RGS6: variants seen among roughly 807,000 people sequenced by gnomAD.
RGS6 encodes regulator of G protein signaling 6.
A neutral mutation model predicts 78.5 loss-of-function variants in RGS6; 30 were observed. The observed-to-expected ratio is 0.38, with a 90% confidence interval of 0.29 to 0.52. The LOEUF (loss-of-function observed/expected upper bound fraction) is 0.52. Ranked by LOEUF, RGS6 falls within the 20% of genes least tolerant of loss-of-function variation. RGS6 has a pLI of 0.85. For synonymous variants in RGS6, 206 were observed against 206.0 expected, an observed-to-expected ratio of 1.00 and a Z score of 0.00; for missense variants, 495 against 609.7, an observed-to-expected ratio of 0.81 and a Z score of 1.98.
intron 1 of RGS6, among the ~76,000 whole-genome samples, chr14:71,955,081 T>G (rs1299722784): frequency 6.6e-6 from 1 of 152,152 alleles, no homozygotes; most frequent in African/African-American, 2.4e-5. Flanking sequence ...GGGTTGTGTT[T>G]AGTGTTTGCT....
chr14:72,475,698 C>T (rs956402716), intron 10 of RGS6, among the ~76,000 whole-genome samples: 7 of 151,994 alleles, frequency 4.6e-5, no homozygotes, highest in Admixed American at 3.9e-4. Context: ...CATTGTACTC[C>T]AGCCTGGGCA....
At chr14:72,360,832 T>C (rs1029413640) in intron 3 of RGS6, among the ~76,000 whole-genome samples, 4 of 152,138 alleles carry the variant, frequency 2.6e-5, no homozygotes, top group African/African-American at 9.7e-5. Flanking sequence ...GTAATCCCCA[T>C]AATCCGCACA....
chr14:72,549,245 T>TG lies in RGS6; in HGVS notation c.1422+9152dup, dbSNP rs1196737142. Among the ~76,000 whole-genome samples the TG allele has an allele frequency of 1.3e-4, 19 of 145,952 alleles. No homozygotes were observed. In the East Asian group the frequency reaches 2.9e-3, roughly 22 times the overall value. On this transcript the variant is annotated intron_variant, in intron 17 of 17. Coordinates refer to ENST00000553525, the MANE Select transcript of RGS6 (RefSeq NM_001204424.2). ...CATCCTTGCCTTCTTTTCTGTTTTT[T>TG]GTTTTTTTTTTTGGCATTTGCTGCC...
intron 2 of RGS6, among the ~76,000 whole-genome samples, chr14:72,217,043 C>A (rs929976720): frequency 1.3e-5 from 2 of 152,092 alleles, no homozygotes; most frequent in Non-Finnish European, 2.9e-5. Context: ...CTAATAAAAA[C>A]CTTTGTAAGG....
chr14:72,307,386 AT>A (rs1333716425), intron 2 of RGS6, among the ~76,000 whole-genome samples: 1 of 152,174 alleles, frequency 6.6e-6, no homozygotes, highest in African/African-American at 2.4e-5. Flanking sequence ...ATTAAAAAAA[AT>A]TCTCCTGATG....
At chr14:72,068,306 T>C (rs1412695580) in intron 2 of RGS6, among the ~76,000 whole-genome samples, 2 of 151,692 alleles carry the variant, frequency 1.3e-5, no homozygotes, top group African/African-American at 4.8e-5. Flanking sequence ...AGCTAATTTT[T>C]GTATTTTTTG....
chr14:72,065,278 T>C (rs901116563), intron 2 of RGS6, among the ~76,000 whole-genome samples: 3 of 152,232 alleles, frequency 2.0e-5, no homozygotes, highest in Admixed American at 6.5e-5. Flanking sequence ...GGGTTACAAA[T>C]TGCATTTTTT....
At chr14:72,151,530 G>A (rs1019740193) in intron 2 of RGS6, among the ~76,000 whole-genome samples, 3 of 152,108 alleles carry the variant, frequency 2.0e-5, no homozygotes, top group African/African-American at 7.2e-5. Flanking sequence ...TAGCATGGGG[G>A]AAAAAAGCTA....
chr14:72,135,492 C>T (rs2096418496), intron 2 of RGS6, among the ~76,000 whole-genome samples: 1 of 152,158 alleles, frequency 6.6e-6, no homozygotes, highest in South Asian at 2.1e-4. Context: ...TGCTCTGTAT[C>T]CTCCACTTTC....
the RGS6 span, among the ~76,000 whole-genome samples, chr14:72,588,804 T>C: frequency 1.3e-5 from 2 of 152,276 alleles, no homozygotes; most frequent in East Asian, 3.9e-4. Flanking sequence ...CAGAAAGAAA[T>C]GGGAACTTCC....
chr14:72,593,253 C>G, the RGS6 span, among the ~76,000 whole-genome samples: 1 of 152,206 alleles, frequency 6.6e-6, no homozygotes, highest in Non-Finnish European at 1.5e-5. Context: ...CCGCTCTGAG[C>G]AGAACTATTC....
At chr14:72,395,316 A>G (rs1337011778) in intron 3 of RGS6, among the ~76,000 whole-genome samples, 1 of 152,196 alleles carries the variant, frequency 6.6e-6, no homozygotes, top group African/African-American at 2.4e-5. Flanking sequence ...TTATGTAGGC[A>G]TATATATGTG....
At chr14:71,974,841 T>A (rs1280090618) in intron 2 of RGS6, among the ~76,000 whole-genome samples, 1 of 152,204 alleles carries the variant, frequency 6.6e-6, no homozygotes, top group Non-Finnish European at 1.5e-5. Context: ...TCAGTTCTTG[T>A]TTGTCTAAAA....
At chr14:71,963,639 GTGTTTTCACTTAGCA>G (rs991417828) in intron 1 of RGS6, among the ~76,000 whole-genome samples, 1 of 152,174 alleles carries the variant, frequency 6.6e-6, no homozygotes, top group African/African-American at 2.4e-5. Flanking sequence ...TACACTTAGC[GTGTTTTCACTTAGCA>G]TGTTTTCAAG....
chr14:71,891,197 C>A, the RGS6 span, among the ~76,000 whole-genome samples: 1 of 152,148 alleles, frequency 6.6e-6, no homozygotes, highest in Non-Finnish European at 1.5e-5. Flanking sequence ...ATGAATTGGT[C>A]CTTGTTCTGG....
intron 2 of RGS6, among the ~76,000 whole-genome samples, chr14:71,980,739 C>G (rs1212910699): frequency 1.3e-5 from 1 of 78,706 alleles, no homozygotes; most frequent in Non-Finnish European, 2.5e-5. Context: ...AATTATGTGT[C>G]TTGGAGTTGC....
At chr14:72,047,892 ATTTTTGTTTTTTTTT>A (rs1459394307) in intron 2 of RGS6, among the ~76,000 whole-genome samples, 61 of 83,468 alleles carry the variant, frequency 7.3e-4, no homozygotes, top group African/African-American at 3.1e-3. Flanking sequence ...TGCCCAGCTA[ATTTTTGTTTTTTTTT>A]TTTTTTTTTT....
chr14:72,136,635 A>G (rs1251801203), intron 2 of RGS6, among the ~76,000 whole-genome samples: 2 of 152,168 alleles, frequency 1.3e-5, no homozygotes, highest in African/African-American at 2.4e-5. Flanking sequence ...GTTACCTCCC[A>G]CTGGGTCCCT....
chr14:72,198,939 T>G (rs4902998), intron 2 of RGS6, among the ~76,000 whole-genome samples: 79,096 of 152,098 alleles, frequency 0.52, 21,426 homozygotes, highest in Middle Eastern at 0.7. Context: ...AGAAATTACT[T>G]CAGAAACGTA....
Sources: allele counts gnomAD v4.1 joint callset (sites outside exome capture counted in the v4.1 genomes callset), GRCh38; gene constraint gnomAD v4.1.1; transcripts MANE v1.5; gene names NCBI Gene and HGNC (gene_info 2026-07-23, HGNC 2026-07-21).